NECAB1: variants seen among roughly 807,000 people sequenced by gnomAD.
NECAB1 encodes N-terminal EF-hand calcium binding protein 1.
In NECAB1, 29 loss-of-function variants were observed where a neutral mutation model predicts 57.5. The observed-to-expected ratio is 0.50, with a 90% CI of 0.38 to 0.69. NECAB1 has a LOEUF of 0.69. Ranked by LOEUF, NECAB1 falls within the 30% of genes least tolerant of loss-of-function variation. The pLI is 0.00. For synonymous variants in NECAB1, 142 were observed against 147.7 expected (o/e 0.96, Z 0.28); for missense variants, 372 against 413.8 (o/e 0.90, Z 0.88).
chr8:90,872,640 G>A (rs747359747), intron 4 of NECAB1, among the ~76,000 whole-genome samples: 138 of 152,132 alleles, frequency 9.1e-4, no homozygotes, highest in Non-Finnish European at 1.5e-3. Flanking sequence ...CAAATGCCTG[G>A]TTTAATAGCC....
chr8:90,935,358 T>C (rs774561981), intron 9 of NECAB1, among the ~76,000 whole-genome samples: 5 of 152,180 alleles, frequency 3.3e-5, no homozygotes, highest in Non-Finnish European at 7.4e-5. Context: ...AATCCTATAG[T>C]TATGAATACT....
At chr8:90,922,764 A>T (rs1339804475) in intron 6 of NECAB1, among the ~76,000 whole-genome samples, 1 of 152,058 alleles carries the variant, frequency 6.6e-6, no homozygotes, top group Non-Finnish European at 1.5e-5. Context: ...AAGTGCTGGG[A>T]TTATAGGCGT....
In NECAB1 at chr8:90,833,058, A is replaced by G. The variant is rs181673054; in HGVS notation, c.233+8233A>G. On this transcript the variant is annotated intron_variant, in intron 3 of 12. Coordinates refer to ENST00000417640, the MANE Select transcript of NECAB1 (RefSeq NM_022351.5). ...CTTTTTCTCTTCTCTTTTTATATCT[A>G]TTATGTAGGGTTTTTACAGTGTGGG... Among the ~76,000 whole-genome samples the G allele has an allele frequency of 6.9e-4, 105 of 152,176 alleles. No homozygotes were observed. The East Asian group carries it at 7.4e-3, about 11-fold the overall frequency.
At chr8:90,857,252 G>A (rs988795923) in intron 3 of NECAB1, among the ~76,000 whole-genome samples, 2 of 151,948 alleles carry the variant, frequency 1.3e-5, no homozygotes, top group East Asian at 3.9e-4. Flanking sequence ...GTAACATAAG[G>A]CATCTAAGAG....
At chr8:90,863,554 T>C (rs1419387975) in intron 3 of NECAB1, among the ~76,000 whole-genome samples, 1 of 152,102 alleles carries the variant, frequency 6.6e-6, no homozygotes, top group Non-Finnish European at 1.5e-5. Flanking sequence ...TTTCTGAAAT[T>C]TAAACCCACT....
rs142977618 is a variant in NECAB1, at chr8:90,818,832, C to A, written c.125-5885C>A. On this transcript the variant is annotated intron_variant, in intron 2 of 12. Coordinates refer to ENST00000417640, the MANE Select transcript of NECAB1 (RefSeq NM_022351.5). Reference sequence around the variant, plus strand: ...TTATTATTTGAAATATTTCTTTTGCCCTGTACTCTCTTTCTTCTTCTGGTA... The same window carrying A: ...TTATTATTTGAAATATTTCTTTTGCACTGTACTCTCTTTCTTCTTCTGGTA... 1.2e-3 allele frequency among the ~76,000 whole-genome samples: 188 copies of A among 151,910 alleles called. 1 individual carries two copies. Among genetic ancestry groups the A allele is most frequent in the African/African-American group, 4.0e-3 (167 of 41,470 alleles).
In NECAB1 at chr8:90,935,998, A is replaced by G. The variant is rs114700587; in HGVS notation, c.747+1641A>G. Among the ~76,000 whole-genome samples the G allele has an allele frequency of 3.0e-3, 455 of 152,256 alleles. 1 individual carries two copies. Among genetic ancestry groups the G allele is most frequent in the African/African-American group, 6.7e-3 (279 of 41,568 alleles). On this transcript the variant is annotated intron_variant, in intron 9 of 12. Transcript: ENST00000417640. ...TATGCTCTTTGGGAATAGACATAAA[A>G]ATTTGAATTGGTTTGTTTTTTCAGA...
At chr8:90,831,450 C>T (rs919427438) in intron 3 of NECAB1, among the ~76,000 whole-genome samples, 1 of 152,104 alleles carries the variant, frequency 6.6e-6, no homozygotes, top group Non-Finnish European at 1.5e-5. Flanking sequence ...AGATAATCTC[C>T]TTCCCCAAGA....
chr8:90,856,119 T>C (rs1812789413), intron 3 of NECAB1, among the ~76,000 whole-genome samples: 1 of 152,122 alleles, frequency 6.6e-6, no homozygotes, highest in African/African-American at 2.4e-5. Context: ...CTTCTGGAAT[T>C]AAATACAAAG....
At position 90,882,178 on chromosome 8, in the gene NECAB1, G is replaced by T. The variant is rs983364663; in HGVS notation, c.357+1048G>T. Among the ~76,000 whole-genome samples the T allele has an allele frequency of 3.9e-5, 6 of 152,270 alleles. No homozygotes were observed. The South Asian group carries it at 1.2e-3, about 32-fold the overall frequency. On this transcript the variant is annotated intron_variant, in intron 5 of 12. Coordinates refer to ENST00000417640, the MANE Select transcript of NECAB1 (RefSeq NM_022351.5). ...GCAGTCTTTCAAAAAGACCATACAA[G>T]AATTAACTTGGGATTGGGGTGGATA...
intron 3 of NECAB1, among the ~76,000 whole-genome samples, chr8:90,862,606 G>A (rs1808422058): frequency 6.6e-6 from 1 of 152,036 alleles, no homozygotes; most frequent in African/African-American, 2.4e-5. Flanking sequence ...GGAATATATT[G>A]TTCAGCATAT....
intron 3 of NECAB1, among the ~76,000 whole-genome samples, chr8:90,850,216 C>G (rs1247753668): frequency 6.6e-6 from 1 of 152,160 alleles, no homozygotes; most frequent in Non-Finnish European, 1.5e-5. Context: ...AAGACAATTA[C>G]TTGTTTAATT....
At chr8:90,935,536 G>A (rs1054355570) in intron 9 of NECAB1, among the ~76,000 whole-genome samples, 9 of 152,038 alleles carry the variant, frequency 5.9e-5, no homozygotes, top group African/African-American at 2.2e-4. Context: ...TAAGAATAGC[G>A]GATTTGTGCA....
intron 8 of NECAB1, among the ~76,000 whole-genome samples, chr8:90,931,749 C>G (rs1488849629): frequency 6.6e-6 from 1 of 151,862 alleles, no homozygotes; most frequent in East Asian, 1.9e-4. Context: ...ACTAAAAATA[C>G]AAAAATTAAC....
At chr8:90,851,989 A>G (rs1005635144) in intron 3 of NECAB1, among the ~76,000 whole-genome samples, 3 of 152,074 alleles carry the variant, frequency 2.0e-5, no homozygotes, top group Non-Finnish European at 2.9e-5. Flanking sequence ...TCCCCAGTAC[A>G]CAGGCTCCAA....
chr8:90,955,907 G>A lies in NECAB1; in HGVS notation c.*395G>A, dbSNP rs201815840. ...CATAGGGCAGATTTTGTAAACTGTC[G>A]TATACTGTAAAGGGTTAAATCAGCG... On this transcript the variant is annotated 3_prime_UTR_variant, in exon 13 of 13. Coordinates refer to ENST00000417640, the MANE Select transcript of NECAB1 (RefSeq NM_022351.5). The A allele has an allele frequency of 5.5e-5, 9 of 164,536 alleles. No individual in the cohort carries two copies. In the East Asian group the frequency reaches 7.1e-4, roughly 13 times the overall value. 10.2% of individuals were successfully genotyped at this position (164,536 alleles called of 1,614,324 possible).
At chr8:90,891,609 T>C (rs1208423577) in intron 5 of NECAB1, among the ~76,000 whole-genome samples, 2 of 152,154 alleles carry the variant, frequency 1.3e-5, no homozygotes, top group South Asian at 2.1e-4. Flanking sequence ...ATTTTTTTTT[T>C]GGTTGTTGAC....
At chr8:90,904,466 T>A (rs1034654637) in intron 5 of NECAB1, among the ~76,000 whole-genome samples, 4 of 151,784 alleles carry the variant, frequency 2.6e-5, no homozygotes, top group African/African-American at 9.7e-5. Context: ...AAAAATACAA[T>A]AATTGAAATG....
chr8:90,807,456 C>T (rs541757034), intron 2 of NECAB1, among the ~76,000 whole-genome samples: 28 of 152,148 alleles, frequency 1.8e-4, no homozygotes, highest in Non-Finnish European at 3.4e-4. Context: ...TGGGTCATCA[C>T]CTAGCAACAC....
Sources: gnomAD v4.1 joint callset for allele counts (sites outside exome capture counted in the v4.1 genomes callset) on GRCh38, gnomAD v4.1.1 for gene constraint, MANE v1.5 for transcripts, NCBI Gene and HGNC (gene_info 2026-07-23, HGNC 2026-07-21) for gene names.